Variants in SH2D4B observed in about 807,000 individuals in gnomAD.
SH2D4B encodes SH2 domain-containing protein 4B.
SH2D4B carries 45 observed loss-of-function variants against 61.5 expected under a neutral mutation model. The observed-to-expected ratio is 0.73, with a 90% CI of 0.58 to 0.94. The LOEUF is 0.94. SH2D4B is among the 40% of genes least tolerant of loss of function. SH2D4B has a pLI of 0.00. For synonymous variants in SH2D4B, 224 were observed against 220.4 expected (o/e 1.02, Z -0.14); for missense variants, 572 against 574.2 (o/e 1.00, Z 0.04).
intron 1 of SH2D4B, among the ~76,000 whole-genome samples, chr10:80,550,748 G>A (rs1295290856): frequency 6.6e-6 from 1 of 152,138 alleles, no homozygotes; most frequent in Non-Finnish European, 1.5e-5. Context: ...TTCCATTTTA[G>A]TTGAGCAAGT....
Position 80,570,291 on chromosome 10 carries a change from G to C in SH2D4B, c.322G>C (p.Ala108Pro). Residue 108 changes from alanine (A) to proline (P), a missense_variant, in exon 2 of 8, where the codon GCA becomes CCA. Transcript: ENST00000646907. The part of the protein sequence containing the change: ...ELIAERARLQ[A>P]QREAEELWRQ... ...GATTGCAGAGAGGGCGCGGCTGCAG[G>C]CACAGAGGGAAGCTGAGGAGCTCTG... 1 of 1,613,490 alleles carries C rather than the reference G, an allele frequency of 6.2e-7. No individual in the cohort carries two copies.
intron 4 of SH2D4B, among the ~76,000 whole-genome samples, chr10:80,592,913 CTTGCCA>C (rs949895635): frequency 1.3e-5 from 2 of 151,582 alleles, no homozygotes; most frequent in African/African-American, 4.9e-5. Flanking sequence ...GAGACAGGGT[CTTGCCA>C]TGTTGCCCAG....
At chr10:80,593,196 A>G (rs955205223) in intron 4 of SH2D4B, among the ~76,000 whole-genome samples, 1 of 151,988 alleles carries the variant, frequency 6.6e-6, no homozygotes, top group African/African-American at 2.4e-5. Flanking sequence ...TTGTATTTCC[A>G]TTTCCATTTT....
rs1405005297 is a variant in SH2D4B, at chr10:80,607,959, C to T, written c.861-1465C>T. On this transcript the variant is annotated intron_variant, in intron 5 of 7. Coordinates refer to ENST00000646907, the MANE Select transcript of SH2D4B (RefSeq NM_001388272.1). ...TTGCCCAGGCTGGAGTGCAGTGGCA[C>T]GATCTCAGCTCACTGCAACCTCCGC... Among the ~76,000 whole-genome samples the T allele has an allele frequency of 3.9e-5, 6 of 152,142 alleles. No homozygotes were observed. In the East Asian group the frequency reaches 5.8e-4, roughly 15 times the overall value.
At chr10:80,569,586 C>T (rs1295378345) in intron 1 of SH2D4B, among the ~76,000 whole-genome samples, 1 of 151,824 alleles carries the variant, frequency 6.6e-6, no homozygotes, top group Admixed American at 6.6e-5. Flanking sequence ...TGACTATGGA[C>T]ATCTGGGTGG....
intron 1 of SH2D4B, among the ~76,000 whole-genome samples, chr10:80,564,240 G>T (rs1381038064): frequency 1.3e-5 from 2 of 152,078 alleles, no homozygotes; most frequent in Non-Finnish European, 2.9e-5. Flanking sequence ...AAGTTATAAT[G>T]ATGTGCTTTT....
chr10:80,570,856 A>G (rs972120985), intron 2 of SH2D4B, among the ~76,000 whole-genome samples: 4 of 152,088 alleles, frequency 2.6e-5, no homozygotes, highest in African/African-American at 4.8e-5. Context: ...TTATTTACTT[A>G]TGAATTTATT....
chr10:80,618,843 A>G (rs1432395585), intron 6 of SH2D4B, among the ~76,000 whole-genome samples: 1 of 152,106 alleles, frequency 6.6e-6, no homozygotes, highest in Non-Finnish European at 1.5e-5. Flanking sequence ...CTCAGGTTCA[A>G]TTCTGAGCTA....
At chr10:80,547,307 T>TG (rs1193654410) in intron 1 of SH2D4B, among the ~76,000 whole-genome samples, 9 of 152,354 alleles carry the variant, frequency 5.9e-5, no homozygotes, top group Admixed American at 2.6e-4. Context: ...TCCCTAGTCT[T>TG]GCTGTCATAA....
chr10:80,630,553 G>A (rs988683853), intron 6 of SH2D4B, among the ~76,000 whole-genome samples: 1 of 152,216 alleles, frequency 6.6e-6, no homozygotes, highest in African/African-American at 2.4e-5. Context: ...GGACCTGAGG[G>A]GTGGGGATAG....
chr10:80,604,646 TC>T (rs146721509), intron 5 of SH2D4B, among the ~76,000 whole-genome samples: 7,676 of 151,660 alleles, frequency 0.051, 323 homozygotes, highest in African/African-American at 0.12. Context: ...TTTCTTCCCC[TC>T]CCCCCTTCCC....
chr10:80,572,581 A>G (rs140572402), intron 3 of SH2D4B, among the ~76,000 whole-genome samples: 1 of 152,120 alleles, frequency 6.6e-6, no homozygotes, highest in East Asian at 1.9e-4. Flanking sequence ...CAGTGAGGAC[A>G]TTGGCCTTGC....
chr10:80,548,442 G>A (rs1189740998), intron 1 of SH2D4B, among the ~76,000 whole-genome samples: 1 of 152,174 alleles, frequency 6.6e-6, no homozygotes, highest in Non-Finnish European at 1.5e-5. Context: ...GGGATTACAG[G>A]TGTGAGCCAC....
rs929815177 is a variant in SH2D4B at position 80,539,652 on chromosome 10, G to A, written c.184+1137G>A. On this transcript the variant is annotated intron_variant, in intron 1 of 7. Coordinates refer to ENST00000646907, the MANE Select transcript of SH2D4B (RefSeq NM_001388272.1). This position sits in a 1 kb window ranked among gnomAD's most constrained non-coding sequence, Gnocchi z 4.9. ...GTACTTGCTCCTCTGTGGCTGCCTG[G>A]CATGTAGGACCCACGCCTGCCCTGG... 6.6e-6 allele frequency among the ~76,000 whole-genome samples: 1 copy of A among 152,152 alleles called. No individual in the cohort carries two copies. Among genetic ancestry groups the A allele is most frequent in the African/African-American group, 2.4e-5 (1 of 41,446 alleles).
chr10:80,579,960 C>G lies in SH2D4B; in HGVS notation c.495+8382C>G, dbSNP rs187537191. Among the ~76,000 whole-genome samples, 469 of 152,308 alleles carry G rather than the reference C, an allele frequency of 3.1e-3. 9 individuals carry two copies. The highest frequency in any genetic ancestry group is 1.0e-3 in the Non-Finnish European group (69 of 68,032). On this transcript the variant is annotated intron_variant, in intron 3 of 7. Transcript: ENST00000646907. ...TGTCTTCTCTTTACCTGTTTGATAA[C>G]TCATTCACTTCTCTGGTCAGCATTT...
chr10:80,557,905 C>G (rs1841858301), intron 1 of SH2D4B, among the ~76,000 whole-genome samples: 1 of 151,906 alleles, frequency 6.6e-6, no homozygotes, highest in African/African-American at 2.4e-5. Flanking sequence ...TTCTTGTTTT[C>G]AAGTTTCTTA....
rs544444592 is a variant in SH2D4B at position 80,541,068 on chromosome 10, G to A, written c.184+2553G>A. ...AAGTACACACTTGAGAGAGAAGTGC[G>A]GGCGTGCTCATGAGAACGTGTCACA... On this transcript the variant is annotated intron_variant, in intron 1 of 7. Transcript: ENST00000646907. 4.5e-5 allele frequency: 33 copies of A among 725,878 alleles called. 2 individuals are homozygous for A. In the Middle Eastern group the frequency reaches 6.9e-4, roughly 15 times the overall value. 45.0% of individuals were successfully genotyped at this position (725,878 alleles called of 1,614,324 possible).
chr10:80,589,615 C>T lies in SH2D4B; in HGVS notation c.643+838C>T, dbSNP rs112645581. Among the ~76,000 whole-genome samples the T allele has an allele frequency of 1.7e-3, 259 of 152,298 alleles. 1 individual carries two copies. The highest frequency in any genetic ancestry group is 5.8e-3 in the African/African-American group (240 of 41,564). On this transcript the variant is annotated intron_variant, in intron 4 of 7. Coordinates refer to ENST00000646907, the MANE Select transcript of SH2D4B (RefSeq NM_001388272.1). Reference sequence around the variant, plus strand: ...CTAGGGATCCAGGGATGAGGAATCACGGTGCTCATCCTGTAGAAACTCATC... The same window carrying T: ...CTAGGGATCCAGGGATGAGGAATCATGGTGCTCATCCTGTAGAAACTCATC...
At chr10:80,556,297 A>G (rs935210648) in intron 1 of SH2D4B, among the ~76,000 whole-genome samples, 2 of 152,166 alleles carry the variant, frequency 1.3e-5, no homozygotes, top group African/African-American at 2.4e-5. Context: ...GTGTATGTCT[A>G]CTCTTGCACA....
Sources: allele counts gnomAD v4.1 joint callset (sites outside exome capture counted in the v4.1 genomes callset), GRCh38; gene constraint gnomAD v4.1.1; non-coding constraint Gnocchi (gnomAD v3.1); transcripts MANE v1.5; gene names NCBI Gene and HGNC (gene_info 2026-07-23, HGNC 2026-07-21).